The following BPIFA1 variants were observed in gnomAD, a reference collection of about 807,000 sequenced individuals.
The protein encoded by BPIFA1 is BPI fold containing family A member 1.
A neutral mutation model predicts 25.1 loss-of-function variants in BPIFA1; 24 were observed. The observed-to-expected ratio is 0.96, with a 90% CI of 0.69 to 1.35. The LOEUF (loss-of-function observed/expected upper bound fraction) is 1.35. Ranked by LOEUF, BPIFA1 falls within the 40% of genes most tolerant of loss-of-function variation. The pLI is 0.00. For missense variants in BPIFA1, 344 were observed against 303.7 expected (o/e 1.13, Z -0.99); for synonymous variants, 139 against 131.8 (o/e 1.05, Z -0.37).
rs767026450 is a variant in BPIFA1 at position 33,242,165 on chromosome 20, C to T, written c.730+46C>T. 7.6e-6 allele frequency: 12 copies of T among 1,586,514 alleles called. No homozygotes were observed. The South Asian group carries it at 1.3e-4, about 18-fold the overall frequency. On this transcript the variant is annotated intron_variant, in intron 7 of 8. Coordinates refer to ENST00000354297, the MANE Select transcript of BPIFA1 (RefSeq NM_130852.3). ...CCTCTGTCCCTCTCTGCAGGAGCAG[C>T]AACTTCCCCCAAGGAGTTTTTTCCC...
intron 4 of BPIFA1, 31 bp from the exon 5 acceptor site, chr20:33,240,202 C>T (rs377378402): frequency 1.2e-6 from 2 of 1,609,504 alleles, no homozygotes; most frequent in Admixed American, 3.4e-5. Context: ...TGTGGTGGAG[C>T]TAGATACCAG....
At position 33,240,196 on chromosome 20, in the gene BPIFA1, G is replaced by A. The variant is rs768310988; in HGVS notation, c.429-37G>A. The A allele has an allele frequency of 5.0e-6, 8 of 1,607,886 alleles. No individual in the cohort carries two copies. The East Asian group carries it at 1.3e-4, about 27-fold the overall frequency. On this transcript the variant is annotated intron_variant, in intron 4 of 8. Coordinates refer to ENST00000354297, the MANE Select transcript of BPIFA1 (RefSeq NM_130852.3). The stretch of plus-strand genomic sequence containing the variant: ...AAATAACCCTCTTCCTTGGAATGTG[G>A]TGGAGCTAGATACCAGTGGGGCTGT...
chr20:33,240,472 A>G, intron 5 of BPIFA1, 87 bp downstream of exon 5: 1 of 1,513,862 alleles, frequency 6.6e-7, no homozygotes, highest in Non-Finnish European at 9.0e-7. Context: ...CAATGAGAGA[A>G]TAGATGAGTG....
intron 3 of BPIFA1, among the ~76,000 whole-genome samples, chr20:33,239,576 G>A (rs773316944): frequency 6.6e-6 from 1 of 152,202 alleles, no homozygotes; most frequent in Admixed American, 6.5e-5. Context: ...CTGGAGATAA[G>A]GAAAGGGCCC....
In BPIFA1 at chr20:33,241,248, C is replaced by A; in HGVS notation, c.582-137C>A. On this transcript the variant is annotated intron_variant, in intron 5 of 8. Transcript: ENST00000354297. ...TTTACATAAGACCCTTGCTGTTGGC[C>A]TGCACGTGGGTGTAGATAGACAAGG... 3.9e-6 allele frequency: 3 copies of A among 775,464 alleles called. No individual in the cohort carries two copies. In the East Asian group the frequency reaches 7.4e-5, roughly 19 times the overall value. 48.0% of individuals were successfully genotyped at this position (775,464 alleles called of 1,614,324 possible). A position where few individuals can be genotyped will look rare whatever the true frequency, so the allele number is the denominator to read the frequency against.
intron 5 of BPIFA1, among the ~76,000 whole-genome samples, chr20:33,240,638 AGATAGAT>A (rs1442733137): frequency 1.5e-5 from 2 of 133,858 alleles, no homozygotes; most frequent in Non-Finnish European, 1.6e-5. Flanking sequence ...ATGGATGGAT[AGATAGAT>A]GATAGATAGA....
intron 3 of BPIFA1, among the ~76,000 whole-genome samples, chr20:33,239,026 G>T (rs1268389350): frequency 1.3e-5 from 2 of 152,218 alleles, no homozygotes; most frequent in African/African-American, 4.8e-5. Flanking sequence ...AACCCACAGA[G>T]AAAGTGTATT....
intron 1 of BPIFA1, among the ~76,000 whole-genome samples, chr20:33,236,731 G>A (rs1276985311): frequency 6.6e-6 from 1 of 152,174 alleles, no homozygotes; most frequent in Non-Finnish European, 1.5e-5. Context: ...GTGTCAAAAT[G>A]ATAGAATGCA....
intron 1 of BPIFA1, among the ~76,000 whole-genome samples, chr20:33,237,320 T>G (rs1978723948): frequency 6.6e-6 from 1 of 152,138 alleles, no homozygotes; most frequent in African/African-American, 2.4e-5. Context: ...TTTCTCCTAC[T>G]GGAAAATCAG....
chr20:33,240,071 A>T (rs1187624728), intron 4 of BPIFA1, among the ~76,000 whole-genome samples, 161 bp downstream of exon 4: 4 of 152,190 alleles, frequency 2.6e-5, no homozygotes, highest in Non-Finnish European at 4.4e-5. Context: ...TGGGAAACTC[A>T]CTTGACCTCT....
Position 33,242,501 on chromosome 20 carries a change from G to A in BPIFA1, c.745G>A (p.Gly249Arg), listed in dbSNP as rs776172316. 8.1e-6 allele frequency: 13 copies of A among 1,613,904 alleles called. No homozygotes were observed. In the East Asian group the frequency reaches 2.0e-4, roughly 25 times the overall value. The change falls in exon 8 of 9, where the codon GGA becomes AGA. Residue 249 changes from glycine (G) to arginine (R), a missense_variant. Gly to Arg is a moderately radical substitution (Grantham distance 125). Transcript: ENST00000354297. ...TGTTTGTTTAGACATGCTGATCCAC[G>A]GACTACAGTTTGTCATCAAGGTCTA... ...VHDIVNMLIHGLQFVIKV is the reference protein window; with the variant it reads ...VHDIVNMLIHRLQFVIKV
Position 33,237,860 on chromosome 20 carries a change from G to T in BPIFA1, c.149G>T (p.Ser50Ile), listed in dbSNP as rs185078840. The T allele has an allele frequency of 7.0e-6, 11 of 1,576,480 alleles. No homozygotes were observed. The highest frequency in any genetic ancestry group is 9.5e-6 in the Non-Finnish European group (11 of 1,162,808). The change falls in exon 2 of 9, where the codon AGC becomes ATC. Residue 50 changes from serine (S) to isoleucine (I), a missense_variant. Coordinates refer to ENST00000354297, the MANE Select transcript of BPIFA1 (RefSeq NM_130852.3). ...LPLSPTGLAG[S>I]LTNALSNGLL... ...TTGAGTCCCACAGGTCTTGCAGGAA[G>T]CTTGACAAATGGTGAGTTTTCAGGG...
At chr20:33,236,837 C>T (rs1315521636) in intron 1 of BPIFA1, among the ~76,000 whole-genome samples, 1 of 152,152 alleles carries the variant, frequency 6.6e-6, no homozygotes, top group Non-Finnish European at 1.5e-5. Context: ...GTCACTACCC[C>T]TCTTTGGTCT....
intron 5 of BPIFA1, 85 bp downstream of exon 5, chr20:33,240,470 G>A (rs1978909359): frequency 1.3e-6 from 2 of 1,517,354 alleles, no homozygotes; most frequent in African/African-American, 1.4e-5. Context: ...GACAATGAGA[G>A]AATAGATGAG....
Position 33,242,401 on chromosome 20 carries a change from T to C in BPIFA1, c.731-86T>C. 6.6e-6 allele frequency: 10 copies of C among 1,513,354 alleles called. No homozygotes were observed. The South Asian group carries it at 8.0e-5, about 12-fold the overall frequency. 93.7% of individuals were successfully genotyped at this position (1,513,354 alleles called of 1,614,324 possible). A position where few individuals can be genotyped will look rare whatever the true frequency, so the allele number is the denominator to read the frequency against. ...CGGATCTCCAGAGGCCTCCATTCCC[T>C]GGCCCCCCACCTTGAGGAATATGGA... is the stretch of plus-strand genomic sequence containing the variant. On this transcript the variant is annotated intron_variant, in intron 7 of 8. Transcript: ENST00000354297.
chr20:33,242,823 A>G (rs546549850), intron 8 of BPIFA1, among the ~76,000 whole-genome samples: 1 of 152,048 alleles, frequency 6.6e-6, no homozygotes, highest in Admixed American at 6.6e-5. Flanking sequence ...ACACTCTCAC[A>G]CCAGCACACT....
intron 5 of BPIFA1, 138 bp downstream of exon 5, chr20:33,240,523 C>T (rs977072620): frequency 1.4e-5 from 15 of 1,047,574 alleles, no homozygotes; most frequent in African/African-American, 1.8e-5. Flanking sequence ...AAGGAGGGAG[C>T]GTGGAAAGAT....
chr20:33,237,583 G>A (rs1306770504), intron 1 of BPIFA1, 114 bp from the exon 2 acceptor site: 8 of 782,040 alleles, frequency 1.0e-5, no homozygotes, highest in Non-Finnish European at 1.3e-5. Context: ...TATTACTAGT[G>A]ACCCCCTGGT....
Position 33,241,379 on chromosome 20 carries a change from T to A in BPIFA1, c.582-6T>A. 6.2e-7 allele frequency: 1 copy of A among 1,611,948 alleles called. No homozygotes were observed. Among genetic ancestry groups the A allele is most frequent in the Middle Eastern group, 1.7e-4 (1 of 6,058 alleles). ...CCCTGCATCACCCATGACTTTTCTC[T>A]TTCAGACTTGGCCCCCTCCCCATTC... On this transcript the variant is annotated splice_region_variant and splice_polypyrimidine_tract_variant and intron_variant, in intron 5 of 8. Coordinates refer to ENST00000354297, the MANE Select transcript of BPIFA1 (RefSeq NM_130852.3).
Sources: gnomAD v4.1 joint callset for allele counts (sites outside exome capture counted in the v4.1 genomes callset) on GRCh38, gnomAD v4.1.1 for gene constraint, MANE v1.5 for transcripts, NCBI Gene and HGNC (gene_info 2026-07-23, HGNC 2026-07-21) for gene names.